EPHA4: variants seen among roughly 807,000 people sequenced by gnomAD.
The protein encoded by EPHA4 is ephrin type-A receptor 4.
Under a neutral mutation model 108.3 loss-of-function variants are expected in EPHA4, and 19 were observed. That is an observed-to-expected ratio of 0.18 (90% CI 0.12 to 0.26). The LOEUF (loss-of-function observed/expected upper bound fraction) is 0.26. EPHA4 is among the 10% of genes least tolerant of loss of function. The pLI is 1.00. For synonymous variants in EPHA4, 449 were observed against 455.5 expected (o/e 0.99, Z 0.18); for missense variants, 917 against 1,254.0 (o/e 0.73, Z 4.06).
intron 3 of EPHA4, among the ~76,000 whole-genome samples, chr2:221,541,999 G>A (rs898905220): frequency 1.3e-5 from 2 of 152,292 alleles, no homozygotes; most frequent in East Asian, 3.9e-4. Context: ...TATTGCTGAA[G>A]AGAAGAGTTA....
chr2:221,501,348 CT>C, intron 3 of EPHA4, 176 bp from the exon 4 acceptor site: 4 of 503,902 alleles, frequency 7.9e-6, no homozygotes, highest in Non-Finnish European at 1.3e-5. Flanking sequence ...TATAGTCGCT[CT>C]TTAAGGGCCA....
intron 5 of EPHA4, among the ~76,000 whole-genome samples, chr2:221,469,510 C>T (rs1423168746): frequency 2.0e-5 from 3 of 152,116 alleles, no homozygotes; most frequent in Admixed American, 6.6e-5. Flanking sequence ...TAACAGAACC[C>T]ATGAGACAAG....
At chr2:221,454,598 G>A (rs7582245) in intron 8 of EPHA4, among the ~76,000 whole-genome samples, 3 of 152,186 alleles carry the variant, frequency 2.0e-5, no homozygotes, top group Admixed American at 2.0e-4. Context: ...TGAAACAGTT[G>A]ATGGTATATG....
At chr2:221,535,822 A>G (rs144747522) in intron 3 of EPHA4, among the ~76,000 whole-genome samples, 1 of 152,218 alleles carries the variant, frequency 6.6e-6, no homozygotes, top group Non-Finnish European at 1.5e-5. Context: ...GTAGGGAAAG[A>G]ATCTTACATG....
rs1449965656 is a variant in EPHA4, at chr2:221,443,609, G to A, written c.1775-3C>T. On this transcript the variant is annotated splice_polypyrimidine_tract_variant and splice_region_variant and intron_variant, in intron 9 of 17. Coordinates refer to ENST00000281821, the MANE Select transcript of EPHA4 (RefSeq NM_004438.5). ...GGGGTCCACATATGTTCTTACACCT[G>A]AGTGATAAACATGATAAGTTGGCTG... 7.5e-6 allele frequency: 12 copies of A among 1,605,200 alleles called. No homozygotes were observed. Among genetic ancestry groups the A allele is most frequent in the Non-Finnish European group, 1.0e-5 (12 of 1,172,688 alleles).
chr2:221,516,368 T>G (rs1382710224), intron 3 of EPHA4, among the ~76,000 whole-genome samples: 1 of 151,214 alleles, frequency 6.6e-6, no homozygotes, highest in Non-Finnish European at 1.5e-5. Context: ...TTTTTTTTTT[T>G]TTTTGAGACG....
intron 3 of EPHA4, among the ~76,000 whole-genome samples, chr2:221,501,692 C>G (rs1385669427): frequency 6.6e-6 from 1 of 152,070 alleles, no homozygotes; most frequent in Non-Finnish European, 1.5e-5. Flanking sequence ...TAGCCTTTAG[C>G]CAACCAGTGG....
intron 3 of EPHA4, among the ~76,000 whole-genome samples, chr2:221,559,147 A>G (rs938024876): frequency 4.6e-5 from 7 of 152,216 alleles, no homozygotes; most frequent in African/African-American, 1.7e-4. Flanking sequence ...TTTTAATACG[A>G]TACCTTTTGT....
At chr2:221,525,934 C>G (rs1019670690) in intron 3 of EPHA4, among the ~76,000 whole-genome samples, 3 of 151,976 alleles carry the variant, frequency 2.0e-5, no homozygotes, top group African/African-American at 7.3e-5. Context: ...ATTTTATTTT[C>G]TAGATAAAAA....
chr2:221,489,700 C>T (rs1179416392), intron 4 of EPHA4, among the ~76,000 whole-genome samples: 1 of 152,160 alleles, frequency 6.6e-6, no homozygotes, highest in East Asian at 1.9e-4. Context: ...GAAAAGGAAT[C>T]TTCTCTTTTT....
At chr2:221,499,715 AATATATATATATATATATATATAT>A (rs369326575) in intron 4 of EPHA4, among the ~76,000 whole-genome samples, 2 of 48,452 alleles carry the variant, frequency 4.1e-5, no homozygotes, top group Non-Finnish European at 6.9e-5. Context: ...AACTAAAACT[AATATATATATATATATATATATAT>A]ATATATATAT....
At chr2:221,449,131 A>C (rs1353855318) in intron 8 of EPHA4, among the ~76,000 whole-genome samples, 1 of 152,156 alleles carries the variant, frequency 6.6e-6, no homozygotes, top group Non-Finnish European at 1.5e-5. Flanking sequence ...ATGGCTGAAA[A>C]AAAACCACAA....
chr2:221,440,365 G>A (rs1183900950), intron 11 of EPHA4, among the ~76,000 whole-genome samples: 2 of 152,106 alleles, frequency 1.3e-5, no homozygotes, highest in Non-Finnish European at 2.9e-5. Flanking sequence ...CACTGTCTGC[G>A]ACAGGAAAAA....
At chr2:221,430,210 A>T in intron 14 of EPHA4, 59 bp from the exon 15 acceptor site, 2 of 1,504,192 alleles carry the variant, frequency 1.3e-6, no homozygotes, top group Non-Finnish European at 1.8e-6. Context: ...TTCAAGGTTC[A>T]CCCTTCCGAC....
chr2:221,445,806 T>TA (rs1300783617), intron 9 of EPHA4, among the ~76,000 whole-genome samples: 3 of 151,470 alleles, frequency 2.0e-5, no homozygotes, highest in East Asian at 1.9e-4. Flanking sequence ...CAGCTTAGAT[T>TA]AAAAAAAATA....
At chr2:221,524,857 C>T (rs544759662) in intron 3 of EPHA4, among the ~76,000 whole-genome samples, 15 of 152,254 alleles carry the variant, frequency 9.9e-5, no homozygotes, top group Non-Finnish European at 2.2e-4. Flanking sequence ...AATGGACATG[C>T]TCATACTTAA....
rs748628831 is a variant in EPHA4 at position 221,563,688 on chromosome 2, G to A, written c.823+43C>T. 28 of 1,586,436 alleles carry A rather than the reference G, an allele frequency of 1.8e-5. No homozygotes were observed. The highest frequency in any genetic ancestry group is 1.8e-4 in the Middle Eastern group (1 of 5,478). ...AGTCTCATCTCTGATTTAATTACTC[G>A]CACTAAGCCCCAGTGAAAAAACTGC... On this transcript the variant is annotated intron_variant, in intron 3 of 17. Transcript: ENST00000281821.
At chr2:221,485,676 G>T (rs1474284356) in intron 4 of EPHA4, among the ~76,000 whole-genome samples, 1 of 152,092 alleles carries the variant, frequency 6.6e-6, no homozygotes, top group African/African-American at 2.4e-5. Context: ...TTGTGGGATT[G>T]TGGTTTCTTT....
chr2:221,540,633 A>G (rs1185764800), intron 3 of EPHA4, among the ~76,000 whole-genome samples: 2 of 152,230 alleles, frequency 1.3e-5, no homozygotes, highest in African/African-American at 4.8e-5. Context: ...CAATAACCTC[A>G]GAATTATAAG....
Sources: allele counts gnomAD v4.1 joint callset (sites outside exome capture counted in the v4.1 genomes callset), GRCh38; gene constraint gnomAD v4.1.1; transcripts MANE v1.5; gene names NCBI Gene and HGNC (gene_info 2026-07-23, HGNC 2026-07-21).